The following TRPM3 variants were observed in gnomAD, a reference collection of about 807,000 sequenced individuals.
TRPM3 encodes long transient receptor potential channel 3.
Under a neutral mutation model 181.2 loss-of-function variants are expected in TRPM3, and 77 were observed. That is an observed-to-expected ratio of 0.42 (90% confidence interval 0.35 to 0.51). The LOEUF (loss-of-function observed/expected upper bound fraction) is 0.51, where lower values mean the gene tolerates loss of function less well. Among genes scored for constraint, TRPM3 ranks in the 20% least tolerant of loss-of-function variants. The pLI, the probability that TRPM3 is intolerant of heterozygous loss-of-function variation, is 0.01. For synonymous variants in TRPM3, 745 were observed against 796.4 expected (o/e 0.94, Z 1.09); for missense variants, 1,759 against 2,196.7 (o/e 0.80, Z 3.98).
At chr9:70,561,856 G>A (rs2049172433) in intron 22 of TRPM3, among the ~76,000 whole-genome samples, 1 of 151,270 alleles carries the variant, frequency 6.6e-6, no homozygotes, top group Admixed American at 6.6e-5. Context: ...GAACTAGATA[G>A]TAAGGGATGA....
chr9:70,852,172 C>CA (rs1164391143), intron 3 of TRPM3, among the ~76,000 whole-genome samples: 1 of 145,776 alleles, frequency 6.9e-6, no homozygotes, highest in African/African-American at 2.5e-5. Context: ...AAAAAAATCC[C>CA]AAAAAACAAG....
chr9:70,901,614 A>C (rs904295397), intron 1 of TRPM3, among the ~76,000 whole-genome samples: 1 of 152,198 alleles, frequency 6.6e-6, no homozygotes, highest in Non-Finnish European at 1.5e-5. Flanking sequence ...TTCCAAATAA[A>C]TTGCAAATAA....
At chr9:70,797,327 G>T (rs2087385478) in intron 6 of TRPM3, among the ~76,000 whole-genome samples, 1 of 152,098 alleles carries the variant, frequency 6.6e-6, no homozygotes, top group Non-Finnish European at 1.5e-5. Context: ...TTTCCTGTGG[G>T]CTACTGAGAT....
At chr9:70,885,000 CAG>C (rs1400059257) in intron 1 of TRPM3, among the ~76,000 whole-genome samples, 2 of 152,268 alleles carry the variant, frequency 1.3e-5, no homozygotes, top group Middle Eastern at 3.4e-3. Context: ...TCCTCTTCAT[CAG>C]AGTTTCTCAG....
At chr9:70,846,329 C>T (rs751817517) in intron 4 of TRPM3, 49 bp downstream of exon 4, 14 of 1,544,420 alleles carry the variant, frequency 9.1e-6, no homozygotes, top group Non-Finnish European at 1.3e-5. Context: ...ACATCAGGCA[C>T]AACATTCCCA....
intron 1 of TRPM3, among the ~76,000 whole-genome samples, chr9:70,996,603 A>C (rs758531672): frequency 1.3e-5 from 2 of 152,238 alleles, no homozygotes; most frequent in Non-Finnish European, 2.9e-5. Flanking sequence ...GCTAAATCGC[A>C]ATGTTAAAGT....
At chr9:70,883,184 C>A (rs907452542) in intron 1 of TRPM3, among the ~76,000 whole-genome samples, 1 of 152,172 alleles carries the variant, frequency 6.6e-6, no homozygotes, top group Non-Finnish European at 1.5e-5. Flanking sequence ...CCACACCCAT[C>A]CCCATGGTCA....
chr9:71,167,079 C>CA (rs1160951835), intron 1 of TRPM3, among the ~76,000 whole-genome samples: 23 of 151,208 alleles, frequency 1.5e-4, no homozygotes, highest in Admixed American at 1.5e-3. Flanking sequence ...AAAGAGTTAC[C>CA]AAAAAAAAGT....
intron 1 of TRPM3, among the ~76,000 whole-genome samples, chr9:71,432,894 A>T (rs1286816879): frequency 1.3e-5 from 2 of 152,208 alleles, no homozygotes; most frequent in African/African-American, 4.8e-5. Context: ...TTATAAAGAC[A>T]ACAACAACAA....
At chr9:71,315,590 C>T (rs2088498806) in intron 1 of TRPM3, among the ~76,000 whole-genome samples, 2 of 152,022 alleles carry the variant, frequency 1.3e-5, no homozygotes, top group Admixed American at 1.3e-4. Context: ...AGTTTATAGC[C>T]ATCTACTAGA....
In TRPM3 at chr9:71,345,439, G is replaced by A. The variant is rs571016851; in HGVS notation, c.183+101214C>T. On this transcript the variant is annotated intron_variant, in intron 1 of 24. Coordinates refer to the TRPM3 transcript ENST00000357533. ...AAAAGAATGAGTTCATGTCCTTTGC[G>A]GGGACATGGATGAAGCTGGAAACCA... 1.1e-4 allele frequency among the ~76,000 whole-genome samples: 17 copies of A among 152,142 alleles called. No homozygotes were observed. The South Asian group carries it at 1.9e-3, about 17-fold the overall frequency.
At chr9:71,440,159 A>C (rs945926852) in intron 1 of TRPM3, among the ~76,000 whole-genome samples, 1 of 152,166 alleles carries the variant, frequency 6.6e-6, no homozygotes, top group Admixed American at 6.5e-5. Context: ...TTTCTTTATT[A>C]ACAAAACACT....
chr9:71,277,260 A>G (rs1327982758), intron 1 of TRPM3, among the ~76,000 whole-genome samples: 1 of 152,198 alleles, frequency 6.6e-6, no homozygotes, highest in Non-Finnish European at 1.5e-5. Flanking sequence ...CTATGGCCAC[A>G]CCACCCTCAC....
At chr9:71,370,596 G>A (rs1283810263) in intron 1 of TRPM3, among the ~76,000 whole-genome samples, 1 of 152,194 alleles carries the variant, frequency 6.6e-6, no homozygotes, top group Non-Finnish European at 1.5e-5. Flanking sequence ...AGAATAGTTT[G>A]AAGCTAGCAG....
chr9:70,644,964 A>G (rs1003310548), intron 9 of TRPM3, among the ~76,000 whole-genome samples: 2 of 152,186 alleles, frequency 1.3e-5, no homozygotes, highest in African/African-American at 4.8e-5. Context: ...CACAATTGCT[A>G]CAAAGAGAAT....
At chr9:71,363,095 T>C (rs550697290) in intron 1 of TRPM3, among the ~76,000 whole-genome samples, 8 of 152,364 alleles carry the variant, frequency 5.3e-5, no homozygotes, top group African/African-American at 1.4e-4. Context: ...TCTGTACTAA[T>C]GGTCCTTCAT....
At chr9:70,993,864 G>A (rs2134155732) in intron 1 of TRPM3, among the ~76,000 whole-genome samples, 1 of 152,034 alleles carries the variant, frequency 6.6e-6, no homozygotes, top group East Asian at 1.9e-4. Context: ...CAGCGTTTGG[G>A]TAGGGTAGCA....
At chr9:71,234,345 G>A (rs1409223814) in intron 1 of TRPM3, among the ~76,000 whole-genome samples, 1 of 152,176 alleles carries the variant, frequency 6.6e-6, no homozygotes, top group Non-Finnish European at 1.5e-5. Context: ...ACAAGGGTGG[G>A]CCTACAAGGT....
chr9:70,659,469 C>A (rs1219940972), intron 9 of TRPM3, among the ~76,000 whole-genome samples: 2 of 152,036 alleles, frequency 1.3e-5, no homozygotes, highest in Non-Finnish European at 2.9e-5. Context: ...TTCTATGGAA[C>A]AAAGTTCCAT....
Sources: gnomAD v4.1 joint callset for allele counts (sites outside exome capture counted in the v4.1 genomes callset) on GRCh38, gnomAD v4.1.1 for gene constraint, MANE v1.5 for transcripts, NCBI Gene and HGNC (gene_info 2026-07-23, HGNC 2026-07-21) for gene names.